Variants in AP3M1 observed in about 807,000 individuals in gnomAD.
AP3M1 encodes AP-3 complex subunit mu-1.
In AP3M1, 29 loss-of-function variants were observed where a neutral mutation model predicts 42.6. The observed-to-expected ratio is 0.68, with a 90% CI of 0.51 to 0.93. AP3M1 has a LOEUF of 0.93. AP3M1 is among the 40% of genes least tolerant of loss of function. The probability of loss-of-function intolerance (pLI) is 0.00; values close to 1 mark genes in which losing one functional copy is unlikely to be tolerated. For synonymous variants in AP3M1, 178 were observed against 175.3 expected (o/e 1.02, Z -0.12); for missense variants, 416 against 510.2 (o/e 0.82, Z 1.78).
At chr10:74,129,357 C>A in intron 5 of AP3M1, 116 bp from the exon 6 acceptor site, 1 of 965,674 alleles carries the variant, frequency 1.0e-6, no homozygotes, top group Non-Finnish European at 1.5e-6. Context: ...GAGTTTATGA[C>A]CACATCTACA....
Position 74,124,502 on chromosome 10 carries a change from T to A in AP3M1, c.1034A>T (p.Lys345Ile). 6.2e-7 allele frequency: 1 copy of A among 1,609,706 alleles called. No individual in the cohort carries two copies. ...VTKVLTWDVG[K>I]ITPQKLPSLK... ...ACTTGGGAGCTTTTGTGGAGTAATTTTTCCCACATCCCATGTTAGTACCTT... is the reference window on the plus strand; with the variant it reads ...ACTTGGGAGCTTTTGTGGAGTAATTATTCCCACATCCCATGTTAGTACCTT... Residue 345 changes from lysine (K) to isoleucine (I), a missense_variant, in exon 8 of 9, where the codon AAA becomes ATA. Physicochemically the swap from Lys to Ile is moderately radical, Grantham distance 102 (BLOSUM62 -3). Coordinates refer to ENST00000355264, the MANE Select transcript of AP3M1 (RefSeq NM_012095.6).
Position 74,124,457 on chromosome 10 carries a change from AAATT to A in AP3M1, c.1075_1078del (p.Asn359TyrfsTer28), listed in dbSNP as rs1375111973. On this transcript the variant is annotated frameshift_variant, in exon 8 of 9. Coordinates refer to ENST00000355264, the MANE Select transcript of AP3M1 (RefSeq NM_012095.6). LOFTEE classifies it high-confidence loss of function. ...TTCTGGTTTGGGGGCTCCAGACTGTAAATTTACCAGTCCTTTAAGACTTGGGAGC... is the reference window on the plus strand; with the variant it reads ...TTCTGGTTTGGGGGCTCCAGACTGTATACCAGTCCTTTAAGACTTGGGAGC... 6.2e-7 allele frequency: 1 copy of A among 1,613,782 alleles called. No homozygotes were observed. Among genetic ancestry groups the A allele is most frequent in the East Asian group, 2.2e-5 (1 of 44,884 alleles).
chr10:74,136,685 T>C lies in AP3M1; in HGVS notation c.392A>G (p.Lys131Arg). The C allele has an allele frequency of 6.3e-7, 1 of 1,596,404 alleles. No individual in the cohort carries two copies. The change falls in exon 3 of 9, where the codon AAA (lysine) becomes AGA (arginine). Residue 131 changes from lysine to arginine, a missense_variant. Transcript: ENST00000355264. ...FPLATESNIL[K>R]ELIKPPTILR... ...AATTGTTGGTGGTTTAATCAATTCT[T>C]TCAAAATGTTAGATTCGGTAGCCAG...
At position 74,150,793 on chromosome 10, in the gene AP3M1, C is replaced by T; in HGVS notation, c.-42G>A. 1 of 182,988 alleles carries T rather than the reference C, an allele frequency of 5.5e-6. No homozygotes were observed. The highest frequency in any genetic ancestry group is 1.2e-5 in the Non-Finnish European group (1 of 84,156). 11.3% of individuals were successfully genotyped at this position (182,988 alleles called of 1,614,324 possible). On this transcript the variant is annotated 5_prime_UTR_variant, in exon 1 of 9. Coordinates refer to ENST00000355264, the MANE Select transcript of AP3M1 (RefSeq NM_012095.6). ...CCAGTCAGTGATTCGGCGCCGGATC[C>T]TCTCCTACCGAAGCTGGAGAAGCCG... is the stretch of plus-strand genomic sequence containing the variant.
intron 1 of AP3M1, among the ~76,000 whole-genome samples, chr10:74,139,382 G>A (rs1158585244): frequency 6.6e-6 from 1 of 151,848 alleles, no homozygotes; most frequent in African/African-American, 2.4e-5. Context: ...GGGAGGCTGA[G>A]GAAGGAGGAT....
rs776537184 is a variant in AP3M1, at chr10:74,134,079, A to C, written c.531T>G (p.Asn177Lys). 3.7e-6 allele frequency: 6 copies of C among 1,614,136 alleles called. No individual in the cohort carries two copies. Among genetic ancestry groups the C allele is most frequent in the Non-Finnish European group, 5.1e-6 (6 of 1,180,000 alleles). ...CTTCAACAACATCAAAATAGGCTTC[A>C]TTGTTTGTGTACTTTACCCCTGCCC... ...WRRAGVKYTN[N>K]EAYFDVVEEI... Residue 177 changes from asparagine (N) to lysine (K), a missense_variant, in exon 4 of 9, where the codon AAT becomes AAG. Asn to Lys is a moderately conservative substitution (Grantham distance 94). Transcript: ENST00000355264.
intron 1 of AP3M1, among the ~76,000 whole-genome samples, chr10:74,141,501 GAATA>G (rs1315111101): frequency 6.6e-6 from 1 of 151,476 alleles, no homozygotes; most frequent in Non-Finnish European, 1.5e-5. Flanking sequence ...TTTACTCAAA[GAATA>G]TATACATACA....
chr10:74,143,580 G>A (rs753919627), intron 1 of AP3M1, among the ~76,000 whole-genome samples: 3 of 152,174 alleles, frequency 2.0e-5, no homozygotes, highest in Non-Finnish European at 2.9e-5. Context: ...AAAATGTATT[G>A]AGTACTTATT....
Position 74,124,371 on chromosome 10 carries a change from T to C in AP3M1, c.1156+9A>G, listed in dbSNP as rs371273002. The C allele has an allele frequency of 5.6e-6, 9 of 1,602,564 alleles. No homozygotes were observed. The highest frequency in any genetic ancestry group is 4.0e-5 in the African/African-American group (3 of 74,080). Reference sequence around the variant, plus strand: ...ATTACCCTTAACTACAAGTCAACCTTATCCTTACCTGAAATAGCAAGCTGC... The same window carrying C: ...ATTACCCTTAACTACAAGTCAACCTCATCCTTACCTGAAATAGCAAGCTGC... On this transcript the variant is annotated intron_variant, in intron 8 of 8. Coordinates refer to ENST00000355264, the MANE Select transcript of AP3M1 (RefSeq NM_012095.6).
rs187615940 is a variant in AP3M1 at position 74,128,306 on chromosome 10, T to A, written c.803+802A>T. Among the ~76,000 whole-genome samples, 514 of 151,696 alleles carry A rather than the reference T, an allele frequency of 3.4e-3. 2 individuals carry two copies. The highest frequency in any genetic ancestry group is 0.011 in the African/African-American group (442 of 41,348). ...GCCAGGCTGTAGTGCAGTGGTGTGA[T>A]CTGTCACTGCAACCTCTGCCTTCCA... On this transcript the variant is annotated intron_variant, in intron 6 of 8. Transcript: ENST00000355264.
At chr10:74,135,742 A>C (rs1392687074) in intron 3 of AP3M1, among the ~76,000 whole-genome samples, 1 of 152,158 alleles carries the variant, frequency 6.6e-6, no homozygotes. Flanking sequence ...ACAGTTATTT[A>C]CTTAATTTTT....
At chr10:74,139,554 G>A (rs991112706) in intron 1 of AP3M1, among the ~76,000 whole-genome samples, 1 of 151,740 alleles carries the variant, frequency 6.6e-6, no homozygotes, top group Non-Finnish European at 1.5e-5. Context: ...GGCCGAGGCA[G>A]GTGGATCACC....
intron 1 of AP3M1, among the ~76,000 whole-genome samples, chr10:74,148,452 T>C (rs1841402214): frequency 6.6e-6 from 1 of 152,216 alleles, no homozygotes; most frequent in Admixed American, 6.5e-5. Flanking sequence ...AGAAGTCCTC[T>C]TCTCTGTAAA....
chr10:74,134,878 A>C (rs917780155), intron 3 of AP3M1, among the ~76,000 whole-genome samples: 1 of 152,224 alleles, frequency 6.6e-6, no homozygotes, highest in African/African-American at 2.4e-5. Flanking sequence ...TACTAACAAA[A>C]TATATCTACC....
chr10:74,148,123 T>C (rs747718417), intron 1 of AP3M1, among the ~76,000 whole-genome samples: 1 of 152,122 alleles, frequency 6.6e-6, no homozygotes, highest in Non-Finnish European at 1.5e-5. Context: ...TCAAGAAGTC[T>C]AGCTGTGAAG....
intron 4 of AP3M1, among the ~76,000 whole-genome samples, chr10:74,132,376 T>TA (rs779577046): frequency 2.0e-5 from 3 of 151,962 alleles, no homozygotes; most frequent in Non-Finnish European, 2.9e-5. Flanking sequence ...TCTTATAGAG[T>TA]ACTATTGTTT....
chr10:74,128,956 G>C (rs563021257), intron 6 of AP3M1, 152 bp downstream of exon 6: 7 of 806,754 alleles, frequency 8.7e-6, no homozygotes, highest in African/African-American at 5.2e-5. Context: ...TTTTAGGTGC[G>C]TATTTTCACC....
chr10:74,127,123 G>C (rs1443840384), intron 6 of AP3M1, among the ~76,000 whole-genome samples: 1 of 151,934 alleles, frequency 6.6e-6, no homozygotes, highest in African/African-American at 2.4e-5. Flanking sequence ...TATACAGGAG[G>C]ATGTGCATAG....
At chr10:74,145,069 G>C (rs1841289133) in intron 1 of AP3M1, among the ~76,000 whole-genome samples, 1 of 152,132 alleles carries the variant, frequency 6.6e-6, no homozygotes, top group Admixed American at 6.5e-5. Context: ...ATTTAGAGTG[G>C]AAGTTATATT....
Sources: allele counts gnomAD v4.1 joint callset (sites outside exome capture counted in the v4.1 genomes callset), GRCh38; gene constraint gnomAD v4.1.1; transcripts MANE v1.5; gene names NCBI Gene and HGNC (gene_info 2026-07-23, HGNC 2026-07-21).